Variants in EIF2S3B observed in about 807,000 individuals in gnomAD.
EIF2S3B encodes eukaryotic translation initiation factor 2 subunit 3B.
EIF2S3B carries 16 observed loss-of-function variants against 26.4 expected under a neutral mutation model. That is an observed-to-expected ratio of 0.61 (90% CI 0.41 to 0.92). The LOEUF (loss-of-function observed/expected upper bound fraction) is 0.92. Ranked by LOEUF, EIF2S3B falls within the 40% of genes least tolerant of loss-of-function variation. The pLI, the probability that EIF2S3B is intolerant of heterozygous loss-of-function variation, is 0.00. For synonymous variants in EIF2S3B, 183 were observed against 204.4 expected, an observed-to-expected ratio of 0.90 and a Z score of 0.89; for missense variants, 510 against 575.5, an observed-to-expected ratio of 0.89 and a Z score of 1.16.
Position 10,506,630 on chromosome 12 carries a change from T to C in EIF2S3B, c.728T>C (p.Ile243Thr). 6.2e-7 allele frequency: 1 copy of C among 1,612,830 alleles called. No homozygotes were observed. Among genetic ancestry groups the C allele is most frequent in the Non-Finnish European group, 8.5e-7 (1 of 1,178,808 alleles). Reference sequence around the variant, plus strand: ...GTTTGTGAGTACATAGTAAAGAAAATTCCAGTACCCCCAAGAGACTTTACT... The same window carrying C: ...GTTTGTGAGTACATAGTAAAGAAAACTCCAGTACCCCCAAGAGACTTTACT... ...EVVCEYIVKK[I>T]PVPPRDFTSE... The change falls in exon 1 of 1, where the codon ATT becomes ACT. Residue 243 changes from isoleucine to threonine, a missense_variant. Physicochemically the swap from Ile to Thr is moderately conservative, Grantham distance 89. Transcript: ENST00000538173.
chr12:10,507,123 C>CATAG lies in EIF2S3B; in HGVS notation c.1222_1225dup (p.Gly409AspfsTer11). On this transcript the variant is annotated frameshift_variant, in exon 1 of 1. Coordinates refer to ENST00000538173, the MANE Select transcript of EIF2S3B (RefSeq NM_001357734.3). LOFTEE classifies it high-confidence loss of function. ...CTAAGAATGAAGTGCTCATGGTGAA[C>CATAG]ATAGGATCCCTGTCGACAGGAGGGA... is the stretch of plus-strand genomic sequence containing the variant. The CATAG allele has an allele frequency of 1.2e-6, 2 of 1,613,818 alleles. No individual in the cohort carries two copies. The highest frequency in any genetic ancestry group is 4.5e-5 in the East Asian group (2 of 44,888).
At chr12:10,521,004 GCTGT>G (rs1402989627) in intron 1 of EIF2S3B, among the ~76,000 whole-genome samples, 1 of 152,086 alleles carries the variant, frequency 6.6e-6, no homozygotes, top group Non-Finnish European at 1.5e-5. Context: ...AGACTTTTAG[GCTGT>G]CTTTTAGGTA....
chr12:10,522,128 G>T (rs1864838573), intron 1 of EIF2S3B, among the ~76,000 whole-genome samples: 1 of 152,100 alleles, frequency 6.6e-6, no homozygotes, highest in South Asian at 2.1e-4. Context: ...TTTATTTTCA[G>T]ATCCAACTTT....
At chr12:10,515,616 G>A (rs1369233476) in intron 1 of EIF2S3B, among the ~76,000 whole-genome samples, 2 of 151,778 alleles carry the variant, frequency 1.3e-5, no homozygotes, top group East Asian at 3.9e-4. Context: ...TATAACTCTA[G>A]TAACATTTTA....
At position 10,506,668 on chromosome 12, in the gene EIF2S3B, CTTATTG is replaced by C. The variant is rs761413577; in HGVS notation, c.772_777del (p.Val258_Ile259del). The C allele has an allele frequency of 6.2e-7, 1 of 1,613,760 alleles. No individual in the cohort carries two copies. Among genetic ancestry groups the C allele is most frequent in the Non-Finnish European group, 8.5e-7 (1 of 1,179,884 alleles). ...AAGAGACTTTACTTCAGAGCCCCGG[CTTATTG>C]TTATTAGATCTTTTGATGTCAACAA... is the stretch of plus-strand genomic sequence containing the variant. On this transcript the variant is annotated inframe_deletion, in exon 1 of 1. Coordinates refer to ENST00000538173, the MANE Select transcript of EIF2S3B (RefSeq NM_001357734.3).
downstream of EIF2S3B, among the ~76,000 whole-genome samples, chr12:10,513,047 C>T (rs1328039081): frequency 6.6e-6 from 1 of 152,162 alleles, no homozygotes; most frequent in Non-Finnish European, 1.5e-5. Flanking sequence ...CATTTATCTA[C>T]TTGTATATTT....
chr12:10,515,548 C>T (rs961246895), intron 1 of EIF2S3B, among the ~76,000 whole-genome samples: 1 of 151,708 alleles, frequency 6.6e-6, no homozygotes, highest in East Asian at 1.9e-4. Context: ...AGTTTATTAC[C>T]CAGGAATTGT....
downstream of EIF2S3B, among the ~76,000 whole-genome samples, chr12:10,510,202 C>T (rs55904838): frequency 0.14 from 21,521 of 152,182 alleles, 1,561 homozygotes; most frequent in Middle Eastern, 0.17. Flanking sequence ...TTAAAATTAA[C>T]AGTGCTTCCA....
rs532390710 is a variant in EIF2S3B, at chr12:10,518,215, A to T, written c.1309-4388A>T. Among the ~76,000 whole-genome samples the T allele has an allele frequency of 6.3e-4, 96 of 152,260 alleles. 1 individual carries two copies. The highest frequency in any genetic ancestry group is 3.4e-3 in the Middle Eastern group (1 of 294). On this transcript the variant is annotated intron_variant, in intron 1 of 1. Coordinates refer to the EIF2S3B transcript ENST00000322446. ...TGTCTAATGTTGACAGTGGGGTGTTAAGGTCTCCCATTATTGTGTGGGAGT... is the reference window on the plus strand; with the variant it reads ...TGTCTAATGTTGACAGTGGGGTGTTTAGGTCTCCCATTATTGTGTGGGAGT...
rs1565525716 is a variant in EIF2S3B, at chr12:10,506,007, TATC to T, written c.107_109del (p.Ile36del). 6.2e-7 allele frequency: 1 copy of T among 1,605,910 alleles called. No individual in the cohort carries two copies. On this transcript the variant is annotated inframe_deletion, in exon 1 of 1. Coordinates refer to ENST00000538173, the MANE Select transcript of EIF2S3B (RefSeq NM_001357734.3). ...AGTTGACGCCACTTTCACACGAAGT[TATC>T]AGCAGACAAGCCACAATTAATATAG...
intron 1 of EIF2S3B, among the ~76,000 whole-genome samples, chr12:10,521,404 A>C (rs376907952): frequency 2.0e-5 from 3 of 152,246 alleles, no homozygotes; most frequent in East Asian, 3.9e-4. Flanking sequence ...TTCAATTTAT[A>C]GATGAGGCAA....
chr12:10,519,642 T>A (rs1304424802), intron 1 of EIF2S3B, among the ~76,000 whole-genome samples: 1 of 151,972 alleles, frequency 6.6e-6, no homozygotes. Flanking sequence ...GAATCTACAA[T>A]GAACTCAAAC....
chr12:10,515,585 C>G (rs1049895049), intron 1 of EIF2S3B, among the ~76,000 whole-genome samples: 6 of 151,942 alleles, frequency 3.9e-5, no homozygotes, highest in Admixed American at 3.3e-4. Context: ...CAAATCTGTC[C>G]TTTATTCATG....
rs112483874 is a variant in EIF2S3B, at chr12:10,507,973, G to GT, written c.*661dup. The stretch of plus-strand genomic sequence containing the variant: ...TATCACTGAAACTGTTCGAAATAAA[G>GT]TTTTTTTTTGTTTTTCATGATTCGT... On this transcript the variant is annotated 3_prime_UTR_variant, in exon 1 of 1. Transcript: ENST00000538173. Among the ~76,000 whole-genome samples the GT allele has an allele frequency of 1.8e-4, 27 of 151,878 alleles. 1 individual carries two copies. Among genetic ancestry groups the GT allele is most frequent in the Admixed American group, 4.6e-4 (7 of 15,252 alleles).
At position 10,507,549 on chromosome 12, in the gene EIF2S3B, G is replaced by A. The variant is rs765366913; in HGVS notation, c.*228G>A. ...GTTGGATTGAATCTACATTTTGGCA[G>A]AAGTTAAGCATTCCCACATAATGTC... On this transcript the variant is annotated 3_prime_UTR_variant, in exon 1 of 1. Coordinates refer to ENST00000538173, the MANE Select transcript of EIF2S3B (RefSeq NM_001357734.3). 55 of 597,802 alleles carry A rather than the reference G, an allele frequency of 9.2e-5. No homozygotes were observed. The highest frequency in any genetic ancestry group is 1.5e-4 in the Non-Finnish European group (51 of 340,388). 37.0% of individuals were successfully genotyped at this position (597,802 alleles called of 1,614,324 possible).
chr12:10,509,421 A>G, downstream of EIF2S3B, among the ~76,000 whole-genome samples: 1 of 152,074 alleles, frequency 6.6e-6, no homozygotes, highest in East Asian at 1.9e-4. Flanking sequence ...TTAATTTTAA[A>G]CCATCACAAA....
chr12:10,516,817 T>C (rs143541406), intron 1 of EIF2S3B, among the ~76,000 whole-genome samples: 4 of 152,324 alleles, frequency 2.6e-5, no homozygotes, highest in African/African-American at 9.6e-5. Flanking sequence ...TTTTTTAGCA[T>C]GAAGAGTTGC....
rs1864620640 is a variant in EIF2S3B, at chr12:10,505,959, T to C, written c.57T>C (p.Asp19=). 1.2e-6 allele frequency: 2 copies of C among 1,604,416 alleles called. No homozygotes were observed. The highest frequency in any genetic ancestry group is 2.2e-5 in the East Asian group (1 of 44,854). Residue 19 remains aspartate (D), a synonymous_variant, in exon 1 of 1, where the codon GAT becomes GAC. Coordinates refer to ENST00000538173, the MANE Select transcript of EIF2S3B (RefSeq NM_001357734.3). ...GGCAGCCGCACCTTTCGCGTCAGGA[T>C]CTCACCACCTTGGATGTTACCAAGT... is the stretch of plus-strand genomic sequence containing the variant. The part of the protein sequence containing the change: ...TLGQPHLSRQ[D]LTTLDVTKLT...
chr12:10,521,831 T>G (rs986053100), intron 1 of EIF2S3B, among the ~76,000 whole-genome samples: 1 of 152,158 alleles, frequency 6.6e-6, no homozygotes, highest in African/African-American at 2.4e-5. Context: ...TCTTTTGATA[T>G]TCAACCTTCC....
Sources: gnomAD v4.1 joint callset for allele counts (sites outside exome capture counted in the v4.1 genomes callset) on GRCh38, gnomAD v4.1.1 for gene constraint, MANE v1.5 for transcripts, NCBI Gene and HGNC (gene_info 2026-07-23, HGNC 2026-07-21) for gene names.